Variants in PRKG2 observed in about 807,000 individuals in gnomAD.
The protein encoded by PRKG2 is protein kinase cGMP-dependent 2, also known as cGMP-dependent protein kinase 2.
PRKG2 carries 33 observed loss-of-function variants against 97.2 expected under a neutral mutation model. The ratio of observed to expected loss-of-function variants is 0.34; its 90% confidence interval spans 0.26 to 0.45. PRKG2 has a LOEUF of 0.45. Ranked by LOEUF, PRKG2 falls within the 20% of genes least tolerant of loss-of-function variation. The pLI is 1.00. For missense variants in PRKG2, 638 were observed against 900.0 expected (o/e 0.71, Z 3.73); for synonymous variants, 330 against 321.8 (o/e 1.03, Z -0.27).
chr4:81,092,592 A>G (rs770598275), intron 17 of PRKG2, 140 bp from the exon 18 acceptor site: 6 of 640,428 alleles, frequency 9.4e-6, no homozygotes, highest in Non-Finnish European at 1.1e-5. Context: ...TCATGGCTTT[A>G]AATAGCACTT....
At chr4:81,149,753 C>A (rs1748202885) in intron 8 of PRKG2, among the ~76,000 whole-genome samples, 2 of 152,142 alleles carry the variant, frequency 1.3e-5, no homozygotes, top group South Asian at 4.1e-4. Context: ...ACCCAGTGCT[C>A]TGAGATTCAT....
chr4:81,169,793 A>G (rs1750300574), intron 4 of PRKG2, 25 bp from the exon 5 acceptor site: 1 of 1,448,572 alleles, frequency 6.9e-7, no homozygotes, highest in Non-Finnish European at 9.6e-7. Flanking sequence ...AGAAAACAAT[A>G]AAACACTTAG....
intron 1 of PRKG2, among the ~76,000 whole-genome samples, chr4:81,212,521 GT>G (rs1307846112): frequency 1.3e-5 from 2 of 152,154 alleles, no homozygotes; most frequent in Non-Finnish European, 1.5e-5. Context: ...TGGGTAAAAG[GT>G]AATGTCATTG....
At chr4:81,193,552 T>C (rs193256548) in intron 2 of PRKG2, among the ~76,000 whole-genome samples, 1 of 152,252 alleles carries the variant, frequency 6.6e-6, no homozygotes, top group Non-Finnish European at 1.5e-5. Flanking sequence ...CTAAAAACTC[T>C]ATGCTGGCCA....
At chr4:81,144,610 A>ATAT (rs1553923811) in intron 9 of PRKG2, among the ~76,000 whole-genome samples, 13 of 140,062 alleles carry the variant, frequency 9.3e-5, no homozygotes, top group African/African-American at 3.5e-4. Context: ...ATATATATAT[A>ATAT]TTTTTTTTTT....
chr4:81,122,171 T>C (rs2110004026), intron 14 of PRKG2, among the ~76,000 whole-genome samples: 1 of 152,322 alleles, frequency 6.6e-6, no homozygotes, highest in African/African-American at 2.4e-5. Flanking sequence ...ATATAAATGC[T>C]GCATAGGTTG....
intron 14 of PRKG2, among the ~76,000 whole-genome samples, chr4:81,122,022 C>G (rs1745116273): frequency 6.6e-6 from 1 of 152,146 alleles, no homozygotes; most frequent in Admixed American, 6.5e-5. Context: ...TGAATTTTAG[C>G]TGAGGTGCAT....
chr4:81,140,472 G>A (rs562031004), intron 12 of PRKG2, 61 bp downstream of exon 12: 3 of 1,364,582 alleles, frequency 2.2e-6, no homozygotes, highest in East Asian at 4.9e-5. Flanking sequence ...AATAATTTAA[G>A]TAAATACATA....
intron 8 of PRKG2, among the ~76,000 whole-genome samples, chr4:81,150,833 G>A (rs1283761695): frequency 1.3e-5 from 2 of 151,986 alleles, no homozygotes; most frequent in Non-Finnish European, 2.9e-5. Flanking sequence ...TTGCATGAAT[G>A]TATTTATATT....
At chr4:81,119,477 CCTTTT>C (rs1251413956) in intron 14 of PRKG2, among the ~76,000 whole-genome samples, 4 of 152,078 alleles carry the variant, frequency 2.6e-5, no homozygotes, top group Non-Finnish European at 5.9e-5. Flanking sequence ...ATTTGTCTTT[CCTTTT>C]GTCAATTCCA....
chr4:81,162,905 A>G (rs1012755892), intron 6 of PRKG2, among the ~76,000 whole-genome samples: 2 of 152,200 alleles, frequency 1.3e-5, no homozygotes, highest in Admixed American at 6.5e-5. Context: ...CACATGGAGC[A>G]GAAGAAACAC....
At chr4:81,107,701 C>T (rs747735581) in intron 15 of PRKG2, among the ~76,000 whole-genome samples, 17 of 151,938 alleles carry the variant, frequency 1.1e-4, no homozygotes, top group Middle Eastern at 3.5e-3. Flanking sequence ...TTAGTGGAGA[C>T]GGAGTTTCAC....
At chr4:81,103,331 C>T (rs1176819408) in intron 17 of PRKG2, among the ~76,000 whole-genome samples, 1 of 150,962 alleles carries the variant, frequency 6.6e-6, no homozygotes, top group South Asian at 2.1e-4. Context: ...CACAACAGGC[C>T]GTCTTATGAA....
At chr4:81,161,345 C>T (rs1749578619) in intron 6 of PRKG2, among the ~76,000 whole-genome samples, 1 of 152,136 alleles carries the variant, frequency 6.6e-6, no homozygotes, top group South Asian at 2.1e-4. Context: ...CCCATATCTT[C>T]AAAGATTTAG....
chr4:81,136,925 C>T (rs1746762846), intron 13 of PRKG2, among the ~76,000 whole-genome samples: 1 of 152,130 alleles, frequency 6.6e-6, no homozygotes, highest in African/African-American at 2.4e-5. Context: ...ACTATGAAGC[C>T]TTTTACATAG....
chr4:81,129,494 T>G (rs1745945164), intron 14 of PRKG2, among the ~76,000 whole-genome samples: 1 of 152,218 alleles, frequency 6.6e-6, no homozygotes, highest in Non-Finnish European at 1.5e-5. Flanking sequence ...CTGTAAGAAC[T>G]TGCTTTATGA....
intron 12 of PRKG2, 32 bp from the exon 13 acceptor site, chr4:81,137,514 T>C (rs559990270): frequency 6.5e-7 from 1 of 1,538,488 alleles, no homozygotes; most frequent in South Asian, 1.1e-5. Context: ...TGGTTATTAT[T>C]GGAAATCTAG....
In PRKG2 at chr4:81,204,863, GT is replaced by G; in HGVS notation, c.184del (p.Thr62LeufsTer18). 6.2e-7 allele frequency: 1 copy of G among 1,614,212 alleles called. No individual in the cohort carries two copies. On this transcript the variant is annotated frameshift_variant, in exon 2 of 19. Coordinates refer to ENST00000264399, the MANE Select transcript of PRKG2 (RefSeq NM_006259.3). LOFTEE classifies it high-confidence loss of function. ...KELREQLSKQ[T>X]VAIAELTEEL... ...CTCTGTGAGTTCAGCAATGGCCACA[GT>G]CTGCTTCGACAGCTGCTCCCGCAGC... is the stretch of plus-strand genomic sequence containing the variant.
At chr4:81,194,064 TAAAG>T (rs1234162762) in intron 2 of PRKG2, among the ~76,000 whole-genome samples, 1 of 152,136 alleles carries the variant, frequency 6.6e-6, no homozygotes, top group Non-Finnish European at 1.5e-5. Flanking sequence ...CCCTACCAAG[TAAAG>T]AATGTGCCCG....
Sources: gnomAD v4.1 joint callset for allele counts (sites outside exome capture counted in the v4.1 genomes callset) on GRCh38, gnomAD v4.1.1 for gene constraint, MANE v1.5 for transcripts, NCBI Gene and HGNC (gene_info 2026-07-23, HGNC 2026-07-21) for gene names.